RNF111: variants seen among roughly 807,000 people sequenced by gnomAD.
The protein encoded by RNF111 is ring finger protein 111.
A neutral mutation model predicts 95.1 loss-of-function variants in RNF111; 17 were observed. The observed-to-expected ratio is 0.18, with a 90% CI of 0.12 to 0.27. The LOEUF (loss-of-function observed/expected upper bound fraction) is 0.27, where lower values mean the gene tolerates loss of function less well. Ranked by LOEUF, RNF111 falls within the 10% of genes least tolerant of loss-of-function variation. The pLI, the probability that RNF111 is intolerant of heterozygous loss-of-function variation, is 1.00. For synonymous variants in RNF111, 440 were observed against 414.8 expected (o/e 1.06, Z -0.74); for missense variants, 1,189 against 1,210.4 (o/e 0.98, Z 0.26).
At chr15:59,061,615 T>C (rs2042441728) in intron 5 of RNF111, among the ~76,000 whole-genome samples, 2 of 152,232 alleles carry the variant, frequency 1.3e-5, no homozygotes, top group African/African-American at 4.8e-5. Flanking sequence ...CTACCTGTCC[T>C]CCTCTACTAA....
chr15:59,054,332 T>C (rs1371936624), intron 3 of RNF111, among the ~76,000 whole-genome samples: 3 of 152,198 alleles, frequency 2.0e-5, no homozygotes, highest in African/African-American at 7.2e-5. Context: ...TAATACCTCC[T>C]TGAGACTTCC....
chr15:59,065,172 T>C (rs1292774278), intron 5 of RNF111, among the ~76,000 whole-genome samples: 1 of 151,546 alleles, frequency 6.6e-6, no homozygotes, highest in African/African-American at 2.4e-5. Context: ...AGAATCAGAG[T>C]AGGGGGTTAA....
intron 5 of RNF111, among the ~76,000 whole-genome samples, chr15:59,063,209 C>T (rs760776174): frequency 2.6e-5 from 4 of 152,178 alleles, no homozygotes; most frequent in Non-Finnish European, 5.9e-5. Flanking sequence ...GAGCCACCTA[C>T]ATTGTGCAAG....
At chr15:59,069,262 A>C (rs1315143877) in intron 6 of RNF111, among the ~76,000 whole-genome samples, 3 of 152,192 alleles carry the variant, frequency 2.0e-5, no homozygotes, top group African/African-American at 7.2e-5. Flanking sequence ...GGGAGCATCA[A>C]GAAGAATTTT....
chr15:59,077,566 G>A (rs2078602805), intron 7 of RNF111, among the ~76,000 whole-genome samples: 1 of 152,074 alleles, frequency 6.6e-6, no homozygotes, highest in Admixed American at 6.5e-5. Context: ...AAATTTAACA[G>A]TATATTTTGA....
chr15:58,997,172 T>A (rs1209947687), intron 1 of RNF111, among the ~76,000 whole-genome samples: 1 of 152,160 alleles, frequency 6.6e-6, no homozygotes, highest in Non-Finnish European at 1.5e-5. Context: ...AAAACAAGGC[T>A]CCTTGCCATT....
chr15:59,015,254 C>G (rs2040013003), intron 1 of RNF111, among the ~76,000 whole-genome samples: 1 of 152,076 alleles, frequency 6.6e-6, no homozygotes, highest in Non-Finnish European at 1.5e-5. Flanking sequence ...TTTTCCTTAT[C>G]ATTTTGAAGG....
intron 5 of RNF111, among the ~76,000 whole-genome samples, chr15:59,062,477 T>G (rs1486511515): frequency 6.6e-6 from 1 of 152,218 alleles, no homozygotes; most frequent in East Asian, 1.9e-4. Context: ...TATGCCTACA[T>G]GATATCTTAT....
At chr15:59,048,022 G>C (rs932546615) in intron 2 of RNF111, among the ~76,000 whole-genome samples, 14 of 152,194 alleles carry the variant, frequency 9.2e-5, no homozygotes, top group African/African-American at 3.4e-4. Flanking sequence ...ATGTAAAATT[G>C]TAGAGCCACT....
At chr15:59,070,014 C>T (rs1400352978) in intron 6 of RNF111, among the ~76,000 whole-genome samples, 1 of 140,612 alleles carries the variant, frequency 7.1e-6, no homozygotes, top group African/African-American at 2.7e-5. Flanking sequence ...CCCCCCAACC[C>T]CACCCCACCT....
At chr15:59,001,775 C>T (rs146735876) in intron 1 of RNF111, among the ~76,000 whole-genome samples, 12 of 152,102 alleles carry the variant, frequency 7.9e-5, no homozygotes, top group Admixed American at 7.9e-4. Flanking sequence ...TTTATGAAAT[C>T]ATGTTTAAAG....
chr15:59,010,237 A>G (rs1185340531), intron 1 of RNF111, among the ~76,000 whole-genome samples: 1 of 152,166 alleles, frequency 6.6e-6, no homozygotes, highest in East Asian at 1.9e-4. Context: ...TAAGAAAAAT[A>G]TTTATTTTGA....
intron 1 of RNF111, among the ~76,000 whole-genome samples, chr15:58,989,096 T>C (rs1465028831): frequency 6.6e-6 from 1 of 152,184 alleles, no homozygotes; most frequent in East Asian, 1.9e-4. Flanking sequence ...AATGTGATTT[T>C]GAGATTACCA....
At chr15:59,086,368 CT>C (rs1477174775) in intron 10 of RNF111, among the ~76,000 whole-genome samples, 2 of 152,222 alleles carry the variant, frequency 1.3e-5, no homozygotes, top group Admixed American at 1.3e-4. Context: ...ATCTGCCCAC[CT>C]TGGCCTCCCA....
At chr15:59,050,891 C>T (rs867704614) in intron 2 of RNF111, among the ~76,000 whole-genome samples, 2 of 152,104 alleles carry the variant, frequency 1.3e-5, no homozygotes, top group African/African-American at 4.8e-5. Flanking sequence ...TTTTGCATAA[C>T]TGAAAATTAG....
At chr15:59,016,919 A>C (rs2040093791) in intron 1 of RNF111, among the ~76,000 whole-genome samples, 1 of 151,778 alleles carries the variant, frequency 6.6e-6, no homozygotes, top group Non-Finnish European at 1.5e-5. Context: ...TGTGAACTGC[A>C]TGTGAGGGAT....
intron 3 of RNF111, 123 bp from the exon 4 acceptor site, chr15:59,055,559 A>G: frequency 3.1e-6 from 2 of 653,808 alleles, no homozygotes; most frequent in Admixed American, 4.0e-5. Flanking sequence ...TTTAATTACG[A>G]TTATTTCTTT....
At chr15:59,016,054 T>G (rs1246023917) in intron 1 of RNF111, among the ~76,000 whole-genome samples, 1 of 151,906 alleles carries the variant, frequency 6.6e-6, no homozygotes, top group African/African-American at 2.4e-5. Context: ...TTTTGCCATG[T>G]TTTGACCTCC....
chr15:59,048,288 A>G lies in RNF111; in HGVS notation c.881-4017A>G, dbSNP rs991798480. Among the ~76,000 whole-genome samples the G allele has an allele frequency of 4.6e-5, 7 of 152,376 alleles. No individual in the cohort carries two copies. In the Middle Eastern group the frequency reaches 0.01, roughly 222 times the overall value. The stretch of plus-strand genomic sequence containing the variant: ...ACTCAGCAATAAAAAAAGTATGAAT[A>G]TTGATACAACAAATGAATATATTTC... On this transcript the variant is annotated intron_variant, in intron 2 of 13. Coordinates refer to ENST00000348370, the MANE Select transcript of RNF111 (RefSeq NM_017610.8).
Sources: allele counts gnomAD v4.1 joint callset (sites outside exome capture counted in the v4.1 genomes callset), GRCh38; gene constraint gnomAD v4.1.1; transcripts MANE v1.5; gene names NCBI Gene and HGNC (gene_info 2026-07-23, HGNC 2026-07-21).